SESN1: variants seen among roughly 807,000 people sequenced by gnomAD.
The protein encoded by SESN1 is sestrin-1.
In SESN1, 30 loss-of-function variants were observed where a neutral mutation model predicts 59.3. That is an observed-to-expected ratio of 0.51 (90% CI 0.38 to 0.69). The LOEUF is 0.69. Among genes scored for constraint, SESN1 ranks in the 30% least tolerant of loss-of-function variants. The pLI is 0.00. For missense variants in SESN1, 566 were observed against 673.0 expected (o/e 0.84, Z 1.76); for synonymous variants, 197 against 219.9 (o/e 0.90, Z 0.92).
chr6:109,001,733 G>A (rs543147357), intron 2 of SESN1, among the ~76,000 whole-genome samples: 1 of 152,290 alleles, frequency 6.6e-6, no homozygotes, highest in African/African-American at 2.4e-5. Flanking sequence ...TGCTTGCAGA[G>A]TTGGCCAGAA....
Position 109,047,910 on chromosome 6 carries a change from A to AGTCATCACCACTCC in SESN1, c.280-45581_280-45568dup, listed in dbSNP as rs1412181763. On this transcript the variant is annotated intron_variant, in intron 1 of 9. Coordinates refer to ENST00000436639, the MANE Select transcript of SESN1 (RefSeq NM_014454.3). Reference sequence around the variant, plus strand: ...GCTTGAAGGCAGCATGCTGGTTAAGAGTCATCACCACTCCCTAATCTCAAG... The same window carrying AGTCATCACCACTCC: ...GCTTGAAGGCAGCATGCTGGTTAAGAGTCATCACCACTCCGTCATCACCACTCCCTAATCTCAAG... Among the ~76,000 whole-genome samples the AGTCATCACCACTCC allele has an allele frequency of 2.5e-3, 373 of 146,528 alleles. 14 individuals carry two copies. Among genetic ancestry groups the AGTCATCACCACTCC allele is most frequent in the African/African-American group, 9.0e-3 (362 of 40,108 alleles).
intron 1 of SESN1, among the ~76,000 whole-genome samples, chr6:109,005,654 G>T (rs904237679): frequency 1.3e-5 from 2 of 152,100 alleles, no homozygotes; most frequent in African/African-American, 4.8e-5. Flanking sequence ...TCTTGTCTTT[G>T]TAAGTCCATC....
At chr6:109,066,996 C>A (rs781100795) in intron 1 of SESN1, among the ~76,000 whole-genome samples, 1 of 152,142 alleles carries the variant, frequency 6.6e-6, no homozygotes, top group Non-Finnish European at 1.5e-5. Context: ...GTGCAATATT[C>A]GCAAAATCAA....
At chr6:109,061,581 A>G (rs1015575522) in intron 1 of SESN1, among the ~76,000 whole-genome samples, 12 of 152,152 alleles carry the variant, frequency 7.9e-5, no homozygotes, top group African/African-American at 2.7e-4. Context: ...AAGTGGGTGG[A>G]CTGCTTGAGG....
chr6:109,082,414 G>A (rs1781138902), intron 1 of SESN1, among the ~76,000 whole-genome samples: 1 of 152,140 alleles, frequency 6.6e-6, no homozygotes, highest in Admixed American at 6.5e-5. Flanking sequence ...GCTTAAGGAG[G>A]TTATGTAACT....
intron 1 of SESN1, among the ~76,000 whole-genome samples, chr6:109,011,451 A>G (rs1037096904): frequency 6.6e-5 from 10 of 152,158 alleles, no homozygotes; most frequent in Non-Finnish European, 1.5e-4. Context: ...TTAAATGTCA[A>G]GATTCCTTTA....
intron 2 of SESN1, among the ~76,000 whole-genome samples, 196 bp downstream of exon 2, chr6:109,002,082 T>C (rs114751963): frequency 6.6e-6 from 1 of 152,162 alleles, no homozygotes; most frequent in Non-Finnish European, 1.5e-5. Flanking sequence ...TAAAAACACA[T>C]CATGAAATAC....
At chr6:109,027,778 A>G (rs1780119014) in intron 1 of SESN1, among the ~76,000 whole-genome samples, 3 of 152,152 alleles carry the variant, frequency 2.0e-5, no homozygotes, top group Admixed American at 2.0e-4. Flanking sequence ...TAATGTAGCA[A>G]TATCTCATTG....
chr6:109,031,966 T>C (rs534615346), intron 1 of SESN1, among the ~76,000 whole-genome samples: 4 of 152,310 alleles, frequency 2.6e-5, no homozygotes, highest in African/African-American at 9.6e-5. Flanking sequence ...TACACATATC[T>C]TGAAGGTAAT....
chr6:109,008,729 C>G, intron 1 of SESN1: 1 of 974,058 alleles, frequency 1.0e-6, no homozygotes. Context: ...GAAAAAAACA[C>G]AAAATGTTAC....
chr6:109,071,039 C>T (rs1209633127), intron 1 of SESN1, among the ~76,000 whole-genome samples: 2 of 152,144 alleles, frequency 1.3e-5, no homozygotes, highest in African/African-American at 4.8e-5. Flanking sequence ...AGTCAGTCCA[C>T]ACAGATGGGA....
At chr6:109,052,801 C>T (rs1486159046) in intron 1 of SESN1, among the ~76,000 whole-genome samples, 1 of 152,084 alleles carries the variant, frequency 6.6e-6, no homozygotes, top group African/African-American at 2.4e-5. Flanking sequence ...ACAGAATATT[C>T]CTTTAGTTCA....
chr6:109,011,234 T>C (rs1779852714), intron 1 of SESN1, among the ~76,000 whole-genome samples: 1 of 152,260 alleles, frequency 6.6e-6, no homozygotes, highest in Admixed American at 6.5e-5. Flanking sequence ...GCTAACTGCA[T>C]GCATATAGTA....
At chr6:109,019,173 G>C (rs904660898) in intron 1 of SESN1, among the ~76,000 whole-genome samples, 10 of 152,006 alleles carry the variant, frequency 6.6e-5, no homozygotes, top group Non-Finnish European at 1.5e-4. Flanking sequence ...AGCTGACAAA[G>C]AAATTAAAAC....
At chr6:109,001,570 G>C in intron 2 of SESN1, 82 bp from the exon 3 acceptor site, 2 of 1,177,302 alleles carry the variant, frequency 1.7e-6, no homozygotes, top group Non-Finnish European at 2.4e-6. Flanking sequence ...TACACTCTAA[G>C]TATCATTTAG....
Position 108,984,982 on chromosome 6 carries a change from G to C in SESN1, c.*2562C>G, listed in dbSNP as rs1368937945. Among the ~76,000 whole-genome samples, 1 of 152,150 alleles carries C rather than the reference G, an allele frequency of 6.6e-6. No homozygotes were observed. The highest frequency in any genetic ancestry group is 2.4e-5 in the African/African-American group (1 of 41,428). ...TCAGCGTCTCTGGGAGAATGAGGAC[G>C]TGGAGTTCCCAAGTCCATCATCTTG... On this transcript the variant is annotated 3_prime_UTR_variant, in exon 10 of 10. Coordinates refer to ENST00000436639, the MANE Select transcript of SESN1 (RefSeq NM_014454.3).
chr6:109,029,039 C>G (rs1780141610), intron 1 of SESN1, among the ~76,000 whole-genome samples: 1 of 152,140 alleles, frequency 6.6e-6, no homozygotes. Context: ...TTCATGCCTA[C>G]TCTGAAACAG....
chr6:109,044,688 T>C (rs1281873458), intron 1 of SESN1, among the ~76,000 whole-genome samples: 2 of 152,144 alleles, frequency 1.3e-5, no homozygotes, highest in East Asian at 3.8e-4. Flanking sequence ...ATATTTAATC[T>C]TGATGTCACA....
At chr6:108,993,634 C>A (rs1327585187) in intron 6 of SESN1, among the ~76,000 whole-genome samples, 1 of 152,104 alleles carries the variant, frequency 6.6e-6, no homozygotes, top group Non-Finnish European at 1.5e-5. Context: ...CTTTAAATTA[C>A]CTGGTTTATA....
Sources: gnomAD v4.1 joint callset for allele counts (sites outside exome capture counted in the v4.1 genomes callset) on GRCh38, gnomAD v4.1.1 for gene constraint, MANE v1.5 for transcripts, NCBI Gene and HGNC (gene_info 2026-07-23, HGNC 2026-07-21) for gene names.